MTMR9: variants seen among roughly 807,000 people sequenced by gnomAD.
MTMR9 encodes myotubularin related protein 9, also known as myotubularin-related protein 9.
A neutral mutation model predicts 69.5 loss-of-function variants in MTMR9; 39 were observed. The observed-to-expected ratio is 0.56, with a 90% confidence interval of 0.43 to 0.73. The LOEUF is 0.73. Ranked by LOEUF, MTMR9 falls within the 30% of genes least tolerant of loss-of-function variation. The pLI is 0.00. For missense variants in MTMR9, 900 were observed against 671.2 expected (o/e 1.34, Z -3.77); for synonymous variants, 354 against 240.8 (o/e 1.47, Z -4.35).
In MTMR9 at chr8:11,290,235, C is replaced by A. The variant is rs1799332997; in HGVS notation, c.183-4959C>A. Among the ~76,000 whole-genome samples, 2 of 152,032 alleles carry A rather than the reference C, an allele frequency of 1.3e-5. 1 individual carries two copies. ...AATTATCTTTGTATATGCTTGTGAG[C>A]AGTATACTTAAAATTTTTTTTTTTC... On this transcript the variant is annotated intron_variant, in intron 1 of 9. Transcript: ENST00000221086.
At chr8:11,329,411 C>T (rs1355700803), downstream of MTMR9, among the ~76,000 whole-genome samples, 1 of 152,226 alleles carries the variant, frequency 6.6e-6, no homozygotes, top group Non-Finnish European at 1.5e-5. Flanking sequence ...TGCAACCTCC[C>T]TGCCTGATTC....
intron 2 of MTMR9, among the ~76,000 whole-genome samples, chr8:11,296,681 C>T (rs181665336): frequency 1.3e-5 from 2 of 152,190 alleles, no homozygotes; most frequent in East Asian, 3.9e-4. Context: ...AGCATAATAT[C>T]CTCACAGTTC....
At chr8:11,322,488 A>G (rs1055679512) in intron 9 of MTMR9, 137 bp from the exon 10 acceptor site, 6 of 659,156 alleles carry the variant, frequency 9.1e-6, no homozygotes, top group African/African-American at 1.8e-5. Context: ...TTAGAGTATA[A>G]TAAAATACAG....
downstream of MTMR9, among the ~76,000 whole-genome samples, chr8:11,330,046 C>T (rs1217127469): frequency 3.3e-4 from 50 of 151,656 alleles, 1 homozygote; most frequent in Non-Finnish European, 6.0e-4. Context: ...CCGGCAGCCG[C>T]CCCGTCTGGG....
intron 1 of MTMR9, among the ~76,000 whole-genome samples, chr8:11,293,238 C>G (rs1443028939): frequency 6.6e-6 from 1 of 151,890 alleles, no homozygotes; most frequent in Non-Finnish European, 1.5e-5. Flanking sequence ...GAAAGTTTAC[C>G]AACAAAAATT....
chr8:11,318,757 T>C lies in MTMR9; in HGVS notation c.1335-930T>C, dbSNP rs1800533550. 2.6e-5 allele frequency: 4 copies of C among 152,266 alleles called. No individual in the cohort carries two copies. In the South Asian group the frequency reaches 8.3e-4, roughly 31 times the overall value. The allele number at this position is 152,266 out of a possible 1,614,324, so 9.4% of individuals were successfully genotyped here. On this transcript the variant is annotated intron_variant, in intron 8 of 9. Coordinates refer to ENST00000221086, the MANE Select transcript of MTMR9 (RefSeq NM_015458.4). ...TGGATATAGATTAAATATGTATTTA[T>C]GTCAAGATTCACATTGATTTTTCAT...
chr8:11,299,000 C>T lies in MTMR9; in HGVS notation c.292-1023C>T, dbSNP rs776705329. On this transcript the variant is annotated intron_variant, in intron 2 of 9. Transcript: ENST00000221086. ...CCAGTCTAGGAAGAGAGGAAATGAA[C>T]ATTGATGGAATTTCTACCTATGTAG... The T allele has an allele frequency of 9.4e-5, 52 of 550,502 alleles. No homozygotes were observed. The South Asian group carries it at 1.9e-3, about 20-fold the overall frequency. The allele number at this position is 550,502 out of a possible 1,614,324, so 34.1% of individuals were successfully genotyped here.
At chr8:11,304,172 G>C (rs1412998518) in intron 3 of MTMR9, among the ~76,000 whole-genome samples, 3 of 151,978 alleles carry the variant, frequency 2.0e-5, no homozygotes, top group Admixed American at 2.0e-4. Context: ...TACTCAGTTT[G>C]AAATTATTTC....
chr8:11,332,152 A>C (rs758234774), downstream of MTMR9: 2 of 1,611,498 alleles, frequency 1.2e-6, no homozygotes, highest in African/African-American at 1.3e-5. Flanking sequence ...GGGGGTTGGG[A>C]GGGACAGGGA....
rs1013209512 is a variant in MTMR9 at position 11,323,598 on chromosome 8, C to T, written c.*810C>T. On this transcript the variant is annotated 3_prime_UTR_variant, in exon 10 of 10. Transcript: ENST00000221086. Reference sequence around the variant, plus strand: ...TCAAATGCTGCTTGTAAAATTAAACCATCATCTAGAATAGAGTTAATTTAT... The same window carrying T: ...TCAAATGCTGCTTGTAAAATTAAACTATCATCTAGAATAGAGTTAATTTAT... The T allele has an allele frequency of 6.6e-6, 1 of 152,124 alleles. No individual in the cohort carries two copies. The allele number at this position is 152,124 out of a possible 1,614,324, so 9.4% of individuals were successfully genotyped here. A position where few individuals can be genotyped will look rare whatever the true frequency, so the allele number is the denominator to read the frequency against.
At chr8:11,290,338 G>A (rs909308100) in intron 1 of MTMR9, among the ~76,000 whole-genome samples, 4 of 151,744 alleles carry the variant, frequency 2.6e-5, no homozygotes, top group Admixed American at 6.6e-5. Flanking sequence ...GATTTGCATG[G>A]GTACCTTGTA....
At chr8:11,312,877 C>G (rs1023998520) in intron 6 of MTMR9, among the ~76,000 whole-genome samples, 4 of 152,174 alleles carry the variant, frequency 2.6e-5, no homozygotes, top group African/African-American at 9.7e-5. Context: ...CTCCATGTAC[C>G]TCTCCATCAG....
rs776782745 is a variant in MTMR9, at chr8:11,322,633, C to T, written c.1495C>T (p.Leu499=). 3.1e-6 allele frequency: 5 copies of T among 1,612,948 alleles called. No homozygotes were observed. Among genetic ancestry groups the T allele is most frequent in the Non-Finnish European group, 4.2e-6 (5 of 1,179,544 alleles). Residue 499 remains leucine (L), a synonymous_variant, in exon 10 of 10, where the codon CTA becomes TTA. Transcript: ENST00000221086. The part of the protein sequence containing the change: ...QSLPLWEGIF[L]RWNRSSKYLD... Reference sequence around the variant, plus strand: ...ATTCCTGGATTCAATAGGTATTTTCCTACGTTGGAATAGATCCTCTAAGTA... The same window carrying T: ...ATTCCTGGATTCAATAGGTATTTTCTTACGTTGGAATAGATCCTCTAAGTA...
At chr8:11,288,530 G>GC (rs1799273638) in intron 1 of MTMR9, among the ~76,000 whole-genome samples, 1 of 151,832 alleles carries the variant, frequency 6.6e-6, no homozygotes, top group Admixed American at 6.6e-5. Flanking sequence ...GTGTCTGGGG[G>GC]AAGAGCATTG....
chr8:11,332,033 C>G, downstream of MTMR9: 3 of 1,611,854 alleles, frequency 1.9e-6, no homozygotes, highest in Non-Finnish European at 2.5e-6. Context: ...CACTTTCTGA[C>G]ATCATGGGGG....
intron 6 of MTMR9, among the ~76,000 whole-genome samples, chr8:11,310,199 G>C (rs1215059939): frequency 6.6e-6 from 1 of 152,216 alleles, no homozygotes; most frequent in African/African-American, 2.4e-5. Context: ...TAGTGGTAGT[G>C]ATGTTGAGTA....
downstream of MTMR9, among the ~76,000 whole-genome samples, chr8:11,329,488 A>C (rs1012092896): frequency 2.0e-5 from 3 of 152,028 alleles, no homozygotes; most frequent in African/African-American, 7.2e-5. Context: ...TGGTTTTCGT[A>C]TTTTTTTGGT....
chr8:11,327,127 A>G lies in MTMR9; in HGVS notation c.*4339A>G, dbSNP rs1387258316. 1 of 152,190 alleles carries G rather than the reference A, an allele frequency of 6.6e-6. No homozygotes were observed. The highest frequency in any genetic ancestry group is 1.9e-4 in the East Asian group (1 of 5,194). The allele number at this position is 152,190 out of a possible 1,614,324, so 9.4% of individuals were successfully genotyped here. A position where few individuals can be genotyped will look rare whatever the true frequency, so the allele number is the denominator to read the frequency against. Reference sequence around the variant, plus strand: ...ATTTGGTCTTTATAATCCACTGTCCACAGCATCTTCCTTTAAACCAATAGT... The same window carrying G: ...ATTTGGTCTTTATAATCCACTGTCCGCAGCATCTTCCTTTAAACCAATAGT... On this transcript the variant is annotated 3_prime_UTR_variant, in exon 10 of 10. Coordinates refer to ENST00000221086, the MANE Select transcript of MTMR9 (RefSeq NM_015458.4).
chr8:11,322,245 GC>G (rs1800727235), intron 9 of MTMR9, among the ~76,000 whole-genome samples: 1 of 152,186 alleles, frequency 6.6e-6, no homozygotes, highest in Non-Finnish European at 1.5e-5. Flanking sequence ...ACATGTCTGA[GC>G]AATATTCTAT....
Sources: allele counts gnomAD v4.1 joint callset (sites outside exome capture counted in the v4.1 genomes callset), GRCh38; gene constraint gnomAD v4.1.1; transcripts MANE v1.5; gene names NCBI Gene and HGNC (gene_info 2026-07-23, HGNC 2026-07-21).